The following ACYP2 variants were observed in gnomAD, a reference collection of about 807,000 sequenced individuals.
The protein encoded by ACYP2 is acylphosphatase 2, also known as acylphosphatase-2.
ACYP2 carries 12 observed loss-of-function variants against 11.2 expected under a neutral mutation model. That is an observed-to-expected ratio of 1.08 (90% CI 0.69 to 1.74). The LOEUF (loss-of-function observed/expected upper bound fraction) is 1.74, where lower values mean the gene tolerates loss of function less well. Among genes scored for constraint, ACYP2 ranks in the 40% most tolerant of loss-of-function variants. The pLI, the probability that ACYP2 is intolerant of heterozygous loss-of-function variation, is 0.00. For missense variants in ACYP2, 134 were observed against 101.9 expected (o/e 1.31, Z -1.35); for synonymous variants, 43 against 32.2 (o/e 1.33, Z -1.13).
At chr2:54,087,390 C>G (rs950548474) in intron 4 of ACYP2, among the ~76,000 whole-genome samples, 4 of 152,128 alleles carry the variant, frequency 2.6e-5, no homozygotes, top group Non-Finnish European at 5.9e-5. Flanking sequence ...CTTTGTCACT[C>G]AGGCTGAATT....
chr2:54,024,236 C>G (rs1025042630), intron 2 of ACYP2, among the ~76,000 whole-genome samples: 1 of 151,988 alleles, frequency 6.6e-6, no homozygotes, highest in African/African-American at 2.4e-5. Context: ...TGTTGTGGCT[C>G]GTGCCTGTAG....
At chr2:54,192,417 C>G (rs1684276146) in intron 6 of ACYP2, among the ~76,000 whole-genome samples, 1 of 152,060 alleles carries the variant, frequency 6.6e-6, no homozygotes, top group African/African-American at 2.4e-5. Flanking sequence ...AAAATGTTGT[C>G]AACCTTATGG....
At chr2:54,065,817 G>A (rs1676714895) in intron 4 of ACYP2, 3 of 270,440 alleles carry the variant, frequency 1.1e-5, no homozygotes, top group Non-Finnish European at 2.1e-5. Flanking sequence ...GTTTATGCAT[G>A]CTCAGCTGAA....
At chr2:54,187,041 T>G (rs1684039196) in intron 6 of ACYP2, among the ~76,000 whole-genome samples, 3 of 151,770 alleles carry the variant, frequency 2.0e-5, no homozygotes, top group Admixed American at 2.0e-4. Context: ...CATAGGAAAA[T>G]AATAGTCTTA....
rs1201911364 is a variant in ACYP2, at chr2:54,201,616, C to G, written c.404+62868C>G. On this transcript the variant is annotated intron_variant, in intron 6 of 6. Coordinates refer to ENST00000607452, the MANE Select transcript of ACYP2 (RefSeq NM_001320586.2). Reference sequence around the variant, plus strand: ...TTTCTCTTTCTTTCTTTCTTTCTTTCTTTCTTTGTTTCTTTCTTTCTCTTT... The same window carrying G: ...TTTCTCTTTCTTTCTTTCTTTCTTTGTTTCTTTGTTTCTTTCTTTCTCTTT... Among the ~76,000 whole-genome samples, 198 of 88,196 alleles carry G rather than the reference C, an allele frequency of 2.2e-3. 5 individuals carry two copies. The highest frequency in any genetic ancestry group is 0.017 in the Middle Eastern group (3 of 180). 57.9% of individuals were successfully genotyped at this position (88,196 alleles called of 152,430 possible). A position where few individuals can be genotyped will look rare whatever the true frequency, so the allele number is the denominator to read the frequency against.
intron 2 of ACYP2, among the ~76,000 whole-genome samples, chr2:54,047,780 T>A (rs1316666606): frequency 1.3e-5 from 2 of 152,224 alleles, no homozygotes; most frequent in African/African-American, 4.8e-5. Flanking sequence ...ATGGATTTTT[T>A]AAAAAGGTTG....
chr2:54,197,772 T>G (rs887113978), intron 6 of ACYP2, among the ~76,000 whole-genome samples: 1 of 152,100 alleles, frequency 6.6e-6, no homozygotes, highest in Admixed American at 6.5e-5. Context: ...GGATGTGTGG[T>G]GGAGGATTTG....
intron 2 of ACYP2, among the ~76,000 whole-genome samples, chr2:53,998,906 G>A (rs1022800984): frequency 2.0e-5 from 3 of 152,046 alleles, no homozygotes; most frequent in Non-Finnish European, 4.4e-5. Context: ...TTCATTCTTT[G>A]GGCTCTCTGT....
chr2:54,200,455 T>C (rs1474669961), intron 6 of ACYP2, among the ~76,000 whole-genome samples: 6 of 152,186 alleles, frequency 3.9e-5, no homozygotes, highest in African/African-American at 1.4e-4. Flanking sequence ...ACCACTAATC[T>C]ACTGTCTGTC....
intron 4 of ACYP2, among the ~76,000 whole-genome samples, chr2:54,058,309 T>TAA (rs36054811): frequency 0.42 from 60,806 of 144,608 alleles, 12,854 homozygotes; most frequent in South Asian, 0.54. Context: ...AAGCTTATAT[T>TAA]AAAAAAAAAA....
chr2:54,276,910 T>G (rs963583025), intron 6 of ACYP2, among the ~76,000 whole-genome samples: 1 of 152,206 alleles, frequency 6.6e-6, no homozygotes, highest in African/African-American at 2.4e-5. Flanking sequence ...GTTTTGCAAC[T>G]TGCTTTTTAA....
chr2:54,023,879 G>A (rs951987089), intron 2 of ACYP2, among the ~76,000 whole-genome samples: 1 of 152,128 alleles, frequency 6.6e-6, no homozygotes, highest in African/African-American at 2.4e-5. Flanking sequence ...CAAAGAAGAA[G>A]TGGTACCAAT....
In ACYP2 at chr2:54,051,014, C is replaced by T. The variant is rs1007921425; in HGVS notation, c.119C>T (p.Ser40Phe). Residue 40 changes from serine to phenylalanine, a missense_variant, in exon 3 of 7, where the codon TCC becomes TTC. Coordinates refer to ENST00000607452, the MANE Select transcript of ACYP2 (RefSeq NM_001320586.2). ...TCTAGAACTCCTAATGTCAAGCTAT[C>T]CTCCTGCCTCGGCCTCCCATGCTGT... 6 of 456,552 alleles carry T rather than the reference C, an allele frequency of 1.3e-5. No homozygotes were observed. The highest frequency in any genetic ancestry group is 5.6e-4 in the Middle Eastern group (1 of 1,784). The allele number at this position is 456,552 out of a possible 1,614,324, so 28.3% of individuals were successfully genotyped here. A position where few individuals can be genotyped will look rare whatever the true frequency, so the allele number is the denominator to read the frequency against.
chr2:53,977,717 A>T lies in ACYP2; in HGVS notation c.62+3907A>T, dbSNP rs549878647. Among the ~76,000 whole-genome samples, 4 of 149,978 alleles carry T rather than the reference A, an allele frequency of 2.7e-5. No individual in the cohort carries two copies. The East Asian group carries it at 8.0e-4, about 30-fold the overall frequency. On this transcript the variant is annotated intron_variant, in intron 2 of 6. Transcript: ENST00000607452. ...GCCACTGCACTCCAGCCTGGGTGGC[A>T]GAGCAAGACTCCATCTCAAAAAAAA...
At chr2:54,244,324 C>G (rs965162402) in intron 6 of ACYP2, among the ~76,000 whole-genome samples, 2 of 152,172 alleles carry the variant, frequency 1.3e-5, no homozygotes, top group Non-Finnish European at 2.9e-5. Flanking sequence ...GCCTTAGCCT[C>G]CCCAGTAGCT....
At chr2:54,021,160 G>A (rs79544605) in intron 2 of ACYP2, among the ~76,000 whole-genome samples, 245 of 152,246 alleles carry the variant, frequency 1.6e-3, no homozygotes, top group African/African-American at 5.7e-3. Flanking sequence ...GCAGGCATAC[G>A]AGCCGGAGTG....
intron 4 of ACYP2, among the ~76,000 whole-genome samples, chr2:54,097,096 G>C (rs1431360768): frequency 6.6e-6 from 1 of 152,120 alleles, no homozygotes; most frequent in South Asian, 2.1e-4. Context: ...AATTCAAAAG[G>C]GTTTATAATA....
chr2:54,208,519 A>G (rs1275150766), intron 6 of ACYP2, among the ~76,000 whole-genome samples: 1 of 151,988 alleles, frequency 6.6e-6, no homozygotes, highest in East Asian at 1.9e-4. Context: ...GAATCATGTG[A>G]CTCCCAGGGT....
chr2:54,168,346 A>G (rs1683090478), intron 6 of ACYP2, among the ~76,000 whole-genome samples: 1 of 152,174 alleles, frequency 6.6e-6, no homozygotes. Context: ...AGAATCACTG[A>G]AACCGGGAAG....
Sources: gnomAD v4.1 joint callset for allele counts (sites outside exome capture counted in the v4.1 genomes callset) on GRCh38, gnomAD v4.1.1 for gene constraint, MANE v1.5 for transcripts, NCBI Gene and HGNC (gene_info 2026-07-23, HGNC 2026-07-21) for gene names.